Variants in CSMD2 observed in about 807,000 individuals in gnomAD.
The protein encoded by CSMD2 is CUB and sushi domain-containing protein 2.
A neutral mutation model predicts 398.5 loss-of-function variants in CSMD2; 130 were observed. The observed-to-expected ratio is 0.33, with a 90% CI of 0.28 to 0.38. The LOEUF is 0.38. Ranked by LOEUF, CSMD2 falls within the 10% of genes least tolerant of loss-of-function variation. The pLI is 1.00. For missense variants in CSMD2, 3,829 were observed against 4,764.9 expected (o/e 0.80, Z 5.78); for synonymous variants, 1,828 against 1,908.5 (o/e 0.96, Z 1.10).
chr1:34,083,926 C>A (rs139689173), intron 2 of CSMD2, among the ~76,000 whole-genome samples: 113 of 151,986 alleles, frequency 7.4e-4, no homozygotes, highest in Non-Finnish European at 1.4e-3. Flanking sequence ...ATGCCTGATA[C>A]ACATTAAAGA....
Position 33,935,754 on chromosome 1 carries a change from A to C in CSMD2, c.712+6T>G, listed in dbSNP as rs1570558870. On this transcript the variant is annotated splice_donor_region_variant and intron_variant, in intron 4 of 70. Coordinates refer to ENST00000373381, the MANE Select transcript of CSMD2 (RefSeq NM_001281956.2). ...CACTCTGTCAGACCCCTTGCTGGCC[A>C]CCTACCTCTGCAGGAAGGCAGGGGG... 6.3e-7 allele frequency: 1 copy of C among 1,594,372 alleles called. No homozygotes were observed. Among genetic ancestry groups the C allele is most frequent in the Non-Finnish European group, 8.5e-7 (1 of 1,170,980 alleles).
intron 6 of CSMD2, among the ~76,000 whole-genome samples, chr1:33,842,699 C>A (rs1246203353): frequency 6.6e-6 from 1 of 152,178 alleles, no homozygotes; most frequent in African/African-American, 2.4e-5. Flanking sequence ...TTTCAATAAA[C>A]CTTTCTGGAC....
intron 3 of CSMD2, among the ~76,000 whole-genome samples, chr1:33,942,917 C>T (rs1279636382): frequency 2.6e-5 from 4 of 152,210 alleles, no homozygotes; most frequent in Non-Finnish European, 4.4e-5. Flanking sequence ...CATTTGAAGA[C>T]CCTCATGGTC....
intron 5 of CSMD2, among the ~76,000 whole-genome samples, chr1:33,913,479 C>T (rs1643568640): frequency 6.6e-6 from 1 of 152,196 alleles, no homozygotes; most frequent in Non-Finnish European, 1.5e-5. Context: ...TTACTCTTTT[C>T]CTCTCAAAGC....
rs548207073 is a variant in CSMD2 at position 34,032,525 on chromosome 1, T to C, written c.517+69A>G. On this transcript the variant is annotated intron_variant, in intron 3 of 70. Coordinates refer to ENST00000373381, the MANE Select transcript of CSMD2 (RefSeq NM_001281956.2). ...AACACTTCCCTGCATCTGTGAGCAA[T>C]GCAGTCCTGCTTGTGGCTATTAGGA... 5.9e-6 allele frequency: 6 copies of C among 1,018,494 alleles called. No individual in the cohort carries two copies. In the East Asian group the frequency reaches 1.7e-4, roughly 28 times the overall value. The allele number at this position is 1,018,494 out of a possible 1,614,324, so 63.1% of individuals were successfully genotyped here.
intron 28 of CSMD2, 89 bp downstream of exon 28, chr1:33,652,234 G>T: frequency 7.2e-7 from 1 of 1,383,164 alleles, no homozygotes; most frequent in Non-Finnish European, 1.0e-6. Context: ...CTCTGCTACA[G>T]ACCTGTGAAT....
At chr1:33,757,115 C>T (rs1225882245) in intron 13 of CSMD2, among the ~76,000 whole-genome samples, 4 of 147,596 alleles carry the variant, frequency 2.7e-5, no homozygotes, top group African/African-American at 7.6e-5. Flanking sequence ...AATGAGAACA[C>T]GTGGACACAG....
intron 1 of CSMD2, among the ~76,000 whole-genome samples, chr1:34,134,757 A>G (rs1638539133): frequency 6.6e-6 from 1 of 152,234 alleles, no homozygotes; most frequent in Admixed American, 6.5e-5. Context: ...GCCATAGAAA[A>G]CAAGCAAGGT....
chr1:33,719,069 G>A (rs568459283), intron 19 of CSMD2, among the ~76,000 whole-genome samples: 19 of 108,490 alleles, frequency 1.8e-4, no homozygotes, highest in African/African-American at 7.1e-4. Flanking sequence ...TCAGAGTGGG[G>A]CATGGAGGAA....
intron 44 of CSMD2, chr1:33,599,905 C>T (rs1367201331): frequency 1.4e-5 from 7 of 503,242 alleles, no homozygotes; most frequent in Non-Finnish European, 2.5e-5. Context: ...TGTAATAACA[C>T]TGTATAGTCA....
chr1:33,638,611 C>T (rs1327522986), intron 29 of CSMD2, among the ~76,000 whole-genome samples: 7 of 152,228 alleles, frequency 4.6e-5, no homozygotes, highest in African/African-American at 7.2e-5. Context: ...AACCAAAATC[C>T]TTACAGGCCT....
At chr1:33,797,300 G>C (rs1302287965) in intron 10 of CSMD2, among the ~76,000 whole-genome samples, 1 of 152,162 alleles carries the variant, frequency 6.6e-6, no homozygotes, top group East Asian at 1.9e-4. Flanking sequence ...ATCCCTGGAG[G>C]CCCAGCTGTA....
At chr1:33,832,499 C>A (rs1272388442) in intron 6 of CSMD2, among the ~76,000 whole-genome samples, 2 of 147,316 alleles carry the variant, frequency 1.4e-5, no homozygotes, top group South Asian at 2.3e-4. Flanking sequence ...ACATTCAAAG[C>A]AGTGTGTAGA....
At chr1:34,012,516 G>A (rs763059138) in intron 3 of CSMD2, among the ~76,000 whole-genome samples, 9 of 151,302 alleles carry the variant, frequency 5.9e-5, no homozygotes, top group Non-Finnish European at 1.3e-4. Context: ...ATCTTGGCTC[G>A]CTGCGACCTC....
intron 2 of CSMD2, among the ~76,000 whole-genome samples, chr1:34,042,630 G>C (rs1363514533): frequency 6.6e-6 from 1 of 152,142 alleles, no homozygotes; most frequent in African/African-American, 2.4e-5. Context: ...TGAAATAAGA[G>C]ATCTGGATCA....
chr1:34,075,118 T>A (rs748129397), intron 2 of CSMD2, among the ~76,000 whole-genome samples: 13 of 152,278 alleles, frequency 8.5e-5, no homozygotes, highest in Admixed American at 6.5e-4. Flanking sequence ...TAAATTACCA[T>A]GAGAGCATGA....
intron 3 of CSMD2, among the ~76,000 whole-genome samples, chr1:33,961,410 G>T (rs1444920014): frequency 2.0e-5 from 3 of 152,220 alleles, no homozygotes; most frequent in Non-Finnish European, 2.9e-5. Flanking sequence ...GCCCTGTCCT[G>T]CTTGGAAGGC....
At chr1:33,570,118 T>C (rs1438701556) in intron 51 of CSMD2, among the ~76,000 whole-genome samples, 6 of 151,656 alleles carry the variant, frequency 4.0e-5, no homozygotes, top group Admixed American at 2.0e-4. Context: ...CTGTGCAGTC[T>C]GCACCACAGT....
chr1:33,592,232 A>G (rs756638231), intron 44 of CSMD2: 4 of 621,088 alleles, frequency 6.4e-6, no homozygotes. Flanking sequence ...CTTTCTGCAC[A>G]TAGGATTGTT....
Sources: allele counts gnomAD v4.1 joint callset (sites outside exome capture counted in the v4.1 genomes callset), GRCh38; gene constraint gnomAD v4.1.1; transcripts MANE v1.5; gene names NCBI Gene and HGNC (gene_info 2026-07-23, HGNC 2026-07-21).